FAIM2: variants seen among roughly 807,000 people sequenced by gnomAD.
FAIM2 encodes protein lifeguard 2.
Under a neutral mutation model 47.4 loss-of-function variants are expected in FAIM2, and 27 were observed. The ratio of observed to expected loss-of-function variants is 0.57; its 90% CI spans 0.42 to 0.78. The LOEUF (loss-of-function observed/expected upper bound fraction) is 0.78, where lower values mean the gene tolerates loss of function less well. Ranked by LOEUF, FAIM2 falls within the 30% of genes least tolerant of loss-of-function variation. FAIM2 has a pLI of 0.00. For synonymous variants in FAIM2, 156 were observed against 159.3 expected, an observed-to-expected ratio of 0.98 and a Z score of 0.16; for missense variants, 311 against 389.4, an observed-to-expected ratio of 0.80 and a Z score of 1.69.
chr12:49,873,897 A>G (rs1183016726), intron 11 of FAIM2, among the ~76,000 whole-genome samples: 2 of 152,212 alleles, frequency 1.3e-5, no homozygotes, highest in Non-Finnish European at 2.9e-5. Flanking sequence ...AGCACCTACT[A>G]TATTCCAGAG....
At position 49,879,087 on chromosome 12, in the gene FAIM2, T is replaced by C. The variant is rs1946775276; in HGVS notation, c.801+8299A>G. 1.5e-5 allele frequency among the ~76,000 whole-genome samples: 2 copies of C among 136,868 alleles called. 1 individual carries two copies. The highest frequency in any genetic ancestry group is 1.6e-4 in the Admixed American group (2 of 12,294). The allele number at this position is 136,868 out of a possible 152,430, so 89.8% of individuals were successfully genotyped here. On this transcript the variant is annotated intron_variant, in intron 11 of 11. Transcript: ENST00000320634. ...ATGTATATGTGCATGTGTATGTGTC[T>C]GTGTGCATGTGAGTGTATGTATGTG...
chr12:49,871,832 A>G (rs1946705535), intron 11 of FAIM2, among the ~76,000 whole-genome samples: 1 of 151,736 alleles, frequency 6.6e-6, no homozygotes, highest in Non-Finnish European at 1.5e-5. Context: ...ACACCCAGCT[A>G]ATTTTGTATT....
rs544926742 is a variant in FAIM2, at chr12:49,873,079, G to A, written c.802-2426C>T. 3.3e-5 allele frequency among the ~76,000 whole-genome samples: 5 copies of A among 152,214 alleles called. No homozygotes were observed. The East Asian group carries it at 5.8e-4, about 18-fold the overall frequency. ...GGGAGCTGAGTGGCCTTAACACAGC[G>A]AAAATGGGGAGCCATGGCCAGGGCT... On this transcript the variant is annotated intron_variant, in intron 11 of 11. Transcript: ENST00000320634.
intron 11 of FAIM2, among the ~76,000 whole-genome samples, chr12:49,885,706 T>C (rs1288562508): frequency 1.3e-5 from 2 of 152,138 alleles, no homozygotes; most frequent in African/African-American, 2.4e-5. Context: ...CGGGAAACCA[T>C]GGACAAATCA....
intron 6 of FAIM2, 98 bp downstream of exon 6, chr12:49,890,966 A>T: frequency 1.6e-6 from 2 of 1,223,734 alleles, no homozygotes; most frequent in Non-Finnish European, 2.4e-6. Context: ...GGGCCCTCTC[A>T]GGGCTGCACA....
At chr12:49,891,203 C>A in intron 5 of FAIM2, 89 bp from the exon 6 acceptor site, 2 of 1,264,584 alleles carry the variant, frequency 1.6e-6, no homozygotes, top group South Asian at 2.4e-5. Context: ...TCTGCCACCC[C>A]CACCCACAGG....
chr12:49,887,315 G>A, intron 11 of FAIM2, 71 bp downstream of exon 11: 1 of 1,380,616 alleles, frequency 7.2e-7, no homozygotes, highest in Non-Finnish European at 1.0e-6. Context: ...AGGAAGATGG[G>A]AGGAGAAGGG....
At position 49,889,585 on chromosome 12, in the gene FAIM2, C is replaced by G. The variant is rs748479032; in HGVS notation, c.564-17G>C. Reference sequence around the variant, plus strand: ...TTGTAGTAGCTGAGGACCGTCAGGCCGAGGGGTCAGCTCTCAGGCAGGGCA... The same window carrying G: ...TTGTAGTAGCTGAGGACCGTCAGGCGGAGGGGTCAGCTCTCAGGCAGGGCA... On this transcript the variant is annotated splice_polypyrimidine_tract_variant and intron_variant, in intron 8 of 11. Coordinates refer to ENST00000320634, the MANE Select transcript of FAIM2 (RefSeq NM_012306.4). 4 of 1,610,858 alleles carry G rather than the reference C, an allele frequency of 2.5e-6. No individual in the cohort carries two copies. In the African/African-American group the frequency reaches 5.3e-5, roughly 22 times the overall value.
In FAIM2 at chr12:49,878,750, A is replaced by G. The variant is rs201511573; in HGVS notation, c.802-8097T>C. ...TGTGTGCATGTGAGTGTATATGCAT[A>G]TGTGTATATATTTATTTGTGTGCAT... On this transcript the variant is annotated intron_variant, in intron 11 of 11. Coordinates refer to ENST00000320634, the MANE Select transcript of FAIM2 (RefSeq NM_012306.4). Among the ~76,000 whole-genome samples the G allele has an allele frequency of 2.5e-3, 261 of 104,418 alleles. 5 individuals are homozygous for G. Among genetic ancestry groups the G allele is most frequent in the African/African-American group, 9.7e-3 (220 of 22,692 alleles). 68.5% of individuals were successfully genotyped at this position (104,418 alleles called of 152,430 possible). A position where few individuals can be genotyped will look rare whatever the true frequency, so the allele number is the denominator to read the frequency against.
At position 49,870,281 on chromosome 12, in the gene FAIM2, G is replaced by C. The variant is rs547994060; in HGVS notation, c.*223C>G. On this transcript the variant is annotated 3_prime_UTR_variant, in exon 12 of 12. Transcript: ENST00000320634. ...ACCGTCCCAGTTTGGAAGATGTAAC[G>C]GGCGAATGGGGCGGCACAGGGATTG... is the stretch of plus-strand genomic sequence containing the variant. The C allele has an allele frequency of 4.4e-6, 2 of 455,678 alleles. No individual in the cohort carries two copies. The highest frequency in any genetic ancestry group is 3.6e-5 in the Admixed American group (1 of 27,958). The allele number at this position is 455,678 out of a possible 1,614,324, so 28.2% of individuals were successfully genotyped here.
At chr12:49,903,020 T>A (rs567051076) in intron 1 of FAIM2, 1 of 151,558 alleles carries the variant, frequency 6.6e-6, no homozygotes, top group Admixed American at 6.6e-5. Flanking sequence ...CTCTGCCCAA[T>A]CCTTAGCAAC....
At chr12:49,883,625 T>C (rs1375549847) in intron 11 of FAIM2, among the ~76,000 whole-genome samples, 1 of 152,076 alleles carries the variant, frequency 6.6e-6, no homozygotes, top group Non-Finnish European at 1.5e-5. Flanking sequence ...GATAGAGATG[T>C]AAATGTTAGA....
At chr12:49,902,304 A>T (rs1946986824) in intron 1 of FAIM2, 1 of 152,250 alleles carries the variant, frequency 6.6e-6, no homozygotes. Context: ...AAACAGCAAC[A>T]AAAAGCCCGG....
rs1007169621 is a variant in FAIM2, at chr12:49,869,013, CAG to C, written c.*1489_*1490del. 2 of 152,550 alleles carry C rather than the reference CAG, an allele frequency of 1.3e-5. No homozygotes were observed. Among genetic ancestry groups the C allele is most frequent in the African/African-American group, 4.8e-5 (2 of 41,470 alleles). The allele number at this position is 152,550 out of a possible 1,614,324, so 9.4% of individuals were successfully genotyped here. On this transcript the variant is annotated 3_prime_UTR_variant, in exon 12 of 12. Coordinates refer to ENST00000320634, the MANE Select transcript of FAIM2 (RefSeq NM_012306.4). ...CCCAAGGCAGACGGAGCTCCCAGCA[CAG>C]GGGAGAGAGAAGAGGAGGAGGGCGA...
chr12:49,876,614 T>C (rs76942810), intron 11 of FAIM2, among the ~76,000 whole-genome samples: 1 of 144,352 alleles, frequency 6.9e-6, no homozygotes, highest in Non-Finnish European at 1.5e-5. Flanking sequence ...AAAAAAAAAA[T>C]ACAGAAAATT....
At chr12:49,887,074 C>G (rs1565616876) in intron 11 of FAIM2, among the ~76,000 whole-genome samples, 2 of 152,108 alleles carry the variant, frequency 1.3e-5, no homozygotes, top group Non-Finnish European at 2.9e-5. Flanking sequence ...TACCCCCACT[C>G]TCTCGCCCCC....
At chr12:49,885,966 G>A (rs1377982505) in intron 11 of FAIM2, among the ~76,000 whole-genome samples, 1 of 152,014 alleles carries the variant, frequency 6.6e-6, no homozygotes, top group Non-Finnish European at 1.5e-5. Flanking sequence ...CCTATCCAAA[G>A]CCCCCAAAAC....
At chr12:49,897,192 C>T in intron 4 of FAIM2, 108 bp from the exon 5 acceptor site, 1 of 990,098 alleles carries the variant, frequency 1.0e-6, no homozygotes, top group Non-Finnish European at 1.6e-6. Context: ...TGAGAGGAAG[C>T]CAAAGGAATG....
intron 7 of FAIM2, 142 bp from the exon 8 acceptor site, chr12:49,890,296 G>C (rs1030486759): frequency 2.7e-6 from 2 of 746,090 alleles, no homozygotes; most frequent in East Asian, 5.4e-5. Flanking sequence ...ACTGACTTTC[G>C]GGAGTCAGGC....
Sources: allele counts gnomAD v4.1 joint callset (sites outside exome capture counted in the v4.1 genomes callset), GRCh38; gene constraint gnomAD v4.1.1; transcripts MANE v1.5; gene names NCBI Gene and HGNC (gene_info 2026-07-23, HGNC 2026-07-21).